The following ZFHX4 variants were observed in gnomAD, a reference collection of about 807,000 sequenced individuals.
The protein encoded by ZFHX4 is zinc finger homeobox protein 4.
In ZFHX4, 56 loss-of-function variants were observed where a neutral mutation model predicts 267.6. The observed-to-expected ratio is 0.21, with a 90% CI of 0.17 to 0.26. ZFHX4 has a LOEUF of 0.26. Ranked by LOEUF, ZFHX4 falls within the 10% of genes least tolerant of loss-of-function variation. ZFHX4 has a pLI of 1.00. For synonymous variants in ZFHX4, 1,778 were observed against 1,665.6 expected (o/e 1.07, Z -1.64); for missense variants, 4,332 against 4,420.0 (o/e 0.98, Z 0.56).
chr8:76,803,266 G>A (rs1006578009), intron 4 of ZFHX4, among the ~76,000 whole-genome samples: 5 of 146,018 alleles, frequency 3.4e-5, no homozygotes, highest in African/African-American at 1.3e-4. Flanking sequence ...GTGTGTGCGT[G>A]TGTGTGTGTG....
chr8:76,833,422 C>G lies in ZFHX4; in HGVS notation c.3394+16C>G. Reference sequence around the variant, plus strand: ...TCGACCTCAGGTAATGGTTCCTACTCCTTCTCAAAATATTTCCTTGTCCTA... The same window carrying G: ...TCGACCTCAGGTAATGGTTCCTACTGCTTCTCAAAATATTTCCTTGTCCTA... On this transcript the variant is annotated intron_variant, in intron 5 of 10. Transcript: ENST00000651372. The G allele has an allele frequency of 6.3e-7, 1 of 1,584,286 alleles. No individual in the cohort carries two copies. Among genetic ancestry groups the G allele is most frequent in the Non-Finnish European group, 8.6e-7 (1 of 1,160,726 alleles).
rs1018766132 is a variant in ZFHX4 at position 76,826,075 on chromosome 8, C to T, written c.3326-7263C>T. Reference sequence around the variant, plus strand: ...GGTTCTGTAGGCTGTATAAGCATTGCACCAGTATCTGCTCTTGGTGATGGC... The same window carrying T: ...GGTTCTGTAGGCTGTATAAGCATTGTACCAGTATCTGCTCTTGGTGATGGC... On this transcript the variant is annotated intron_variant, in intron 4 of 10. Transcript: ENST00000651372. 3.3e-5 allele frequency among the ~76,000 whole-genome samples: 5 copies of T among 152,128 alleles called. 1 individual carries two copies.
rs1340043323 is a variant in ZFHX4, at chr8:76,851,230, T to C, written c.4309T>C (p.Phe1437Leu). The part of the protein sequence containing the change: ...CNLCQRSFRT[F>L]QALKKHLEAG... ...CCTCTGCCAGCGCAGTTTCCGTACA[T>C]TCCAGGCTTTAAAAAAACACTTGGA... The change falls in exon 10 of 11, where the codon TTC becomes CTC. Residue 1437 changes from phenylalanine (F) to leucine (L), a missense_variant. This residue lies in a region of ZFHX4 where 1,371 missense variants were observed against 1,423.1 expected (regional missense o/e 0.96). Transcript: ENST00000651372. 6.2e-6 allele frequency: 10 copies of C among 1,613,702 alleles called. No homozygotes were observed. The highest frequency in any genetic ancestry group is 7.6e-6 in the Non-Finnish European group (9 of 1,179,832).
Position 76,851,363 on chromosome 8 carries a change from A to G in ZFHX4, c.4442A>G (p.His1481Arg), listed in dbSNP as rs750500652. Reference protein sequence around the residue: ...AESETMSQDDHGLEQEMEREY... With the variant: ...AESETMSQDDRGLEQEMEREY... ...AGCGAAACTATGTCCCAGGATGACC[A>G]TGGCCTAGAGCAGGAAATGGAGAGA... The change falls in exon 10 of 11, where the codon CAT becomes CGT. Residue 1481 changes from histidine (H) to arginine (R), a missense_variant. His to Arg is a conservative substitution (Grantham distance 29). Coordinates refer to ENST00000651372, the MANE Select transcript of ZFHX4 (RefSeq NM_024721.5). The G allele has an allele frequency of 1.9e-6, 3 of 1,613,902 alleles. No individual in the cohort carries two copies. Among genetic ancestry groups the G allele is most frequent in the Non-Finnish European group, 1.7e-6 (2 of 1,179,864 alleles).
rs76951371 is a variant in ZFHX4 at position 76,725,985 on chromosome 8, G to A, written c.3093+17937G>A. ...AAGCAACTGATATGAAATACCAGGAGGCTGAAGGAGTGGGGCAGTTTGTTG... is the reference window on the plus strand; with the variant it reads ...AAGCAACTGATATGAAATACCAGGAAGCTGAAGGAGTGGGGCAGTTTGTTG... On this transcript the variant is annotated intron_variant, in intron 3 of 10. Coordinates refer to ENST00000651372, the MANE Select transcript of ZFHX4 (RefSeq NM_024721.5). 8.9e-3 allele frequency among the ~76,000 whole-genome samples: 1,357 copies of A among 152,240 alleles called. 19 individuals carry two copies. Among genetic ancestry groups the A allele is most frequent in the African/African-American group, 0.031 (1,274 of 41,536 alleles).
At chr8:76,808,987 G>C (rs1811311343) in intron 4 of ZFHX4, among the ~76,000 whole-genome samples, 1 of 150,432 alleles carries the variant, frequency 6.6e-6, no homozygotes, top group Non-Finnish European at 1.5e-5. Flanking sequence ...TTAATACCAG[G>C]GTTGTTTTTT....
In ZFHX4 at chr8:76,704,159, C is replaced by G; in HGVS notation, c.71C>G (p.Thr24Arg). 6.2e-6 allele frequency: 10 copies of G among 1,613,870 alleles called. No individual in the cohort carries two copies. Among genetic ancestry groups the G allele is most frequent in the South Asian group, 1.1e-5 (1 of 91,072 alleles). The change falls in exon 2 of 11, where the codon ACG becomes AGG. Residue 24 changes from threonine to arginine, a missense_variant. Physicochemically the swap from Thr to Arg is moderately conservative, Grantham distance 71 (BLOSUM62 -1). Transcript: ENST00000651372. Reference protein sequence around the residue: ...NGQSTSKLCGTTQLDNEVPEK... With the variant: ...NGQSTSKLCGRTQLDNEVPEK... ...CAGAGCACATCAAAGCTATGTGGAA[C>G]GACACAACTTGATAATGAGGTGCCA...
intron 3 of ZFHX4, among the ~76,000 whole-genome samples, chr8:76,735,569 A>G (rs1809136952): frequency 6.6e-6 from 1 of 152,146 alleles, no homozygotes; most frequent in Non-Finnish European, 1.5e-5. Context: ...TGGTTTTAAA[A>G]CTGTAAAGAA....
At chr8:76,735,416 A>C (rs1478050081) in intron 3 of ZFHX4, among the ~76,000 whole-genome samples, 2 of 152,116 alleles carry the variant, frequency 1.3e-5, no homozygotes, top group Admixed American at 6.6e-5. Context: ...ATTTTCACAC[A>C]CAAAAAAGAA....
chr8:76,744,556 G>T (rs557209213), intron 3 of ZFHX4, among the ~76,000 whole-genome samples: 1 of 151,930 alleles, frequency 6.6e-6, no homozygotes, highest in Non-Finnish European at 1.5e-5. Context: ...GAGACTACAG[G>T]CATGTGCCAT....
rs1024178063 is a variant in ZFHX4, at chr8:76,772,905, T to C, written c.3094-5303T>C. Among the ~76,000 whole-genome samples, 3 of 152,108 alleles carry C rather than the reference T, an allele frequency of 2.0e-5. No individual in the cohort carries two copies. In the East Asian group the frequency reaches 5.8e-4, roughly 29 times the overall value. On this transcript the variant is annotated intron_variant, in intron 3 of 10. Coordinates refer to ENST00000651372, the MANE Select transcript of ZFHX4 (RefSeq NM_024721.5). ...ATGACAAAAACCTGCCAAACCAAGT[T>C]CTAGTTTACTTCTTTGGGAAAGTGG... is the stretch of plus-strand genomic sequence containing the variant.
rs1291816671 is a variant in ZFHX4 at position 76,865,339 on chromosome 8, C to G, written c.*774C>G. Reference sequence around the variant, plus strand: ...TTACCTCTGACGTCATTCTTTTTTTCTGAAAGAGGTAATAATTCTAGTTTT... The same window carrying G: ...TTACCTCTGACGTCATTCTTTTTTTGTGAAAGAGGTAATAATTCTAGTTTT... On this transcript the variant is annotated 3_prime_UTR_variant, in exon 11 of 11. Coordinates refer to ENST00000651372, the MANE Select transcript of ZFHX4 (RefSeq NM_024721.5). The G allele has an allele frequency of 6.6e-6, 1 of 152,438 alleles. No homozygotes were observed. The highest frequency in any genetic ancestry group is 2.1e-4 in the South Asian group (1 of 4,826). 9.4% of individuals were successfully genotyped at this position (152,438 alleles called of 1,614,324 possible). A position where few individuals can be genotyped will look rare whatever the true frequency, so the allele number is the denominator to read the frequency against.
chr8:76,833,282 G>C (rs1298769622), intron 4 of ZFHX4, 56 bp from the exon 5 acceptor site: 2 of 1,491,048 alleles, frequency 1.3e-6, no homozygotes, highest in Non-Finnish European at 1.9e-6. Context: ...TATTAGCCAT[G>C]ATGAGAGAGC....
chr8:76,776,288 T>C (rs1193170295), intron 3 of ZFHX4, among the ~76,000 whole-genome samples: 1 of 150,288 alleles, frequency 6.7e-6, no homozygotes, highest in Non-Finnish European at 1.5e-5. Context: ...AAAAAGGGAG[T>C]TTAATTTCTC....
At chr8:76,737,223 A>T (rs2131674382) in intron 3 of ZFHX4, among the ~76,000 whole-genome samples, 1 of 152,276 alleles carries the variant, frequency 6.6e-6, no homozygotes, top group Non-Finnish European at 1.5e-5. Context: ...CCTCTCTCAC[A>T]TACTTACCCA....
Position 76,715,596 on chromosome 8 carries a change from G to C in ZFHX4, c.3093+7548G>C, listed in dbSNP as rs185446841. Among the ~76,000 whole-genome samples, 15 of 149,418 alleles carry C rather than the reference G, an allele frequency of 1.0e-4. No individual in the cohort carries two copies. The East Asian group carries it at 3.0e-3, about 30-fold the overall frequency. ...GTGGTATAACTCTTGGGAAACCTCT[G>C]TAAATTCAATTTACAATAAGGTCAA... On this transcript the variant is annotated intron_variant, in intron 3 of 10. Transcript: ENST00000651372.
chr8:76,865,087 G>C lies in ZFHX4; in HGVS notation c.*522G>C, dbSNP rs1812993166. ...CTTTATTAGAAAGCATTTTCTAGGT[G>C]TGTTTAGTGTACAAAGAGACTTTAT... On this transcript the variant is annotated 3_prime_UTR_variant, in exon 11 of 11. Coordinates refer to ENST00000651372, the MANE Select transcript of ZFHX4 (RefSeq NM_024721.5). The C allele has an allele frequency of 6.5e-6, 1 of 153,386 alleles. No homozygotes were observed. Among genetic ancestry groups the C allele is most frequent in the Admixed American group, 6.5e-5 (1 of 15,368 alleles). 9.5% of individuals were successfully genotyped at this position (153,386 alleles called of 1,614,324 possible).
At chr8:76,703,732 T>C in intron 1 of ZFHX4, 1 of 225,372 alleles carries the variant, frequency 4.4e-6, no homozygotes, top group East Asian at 1.0e-4. Flanking sequence ...GTCACGTATA[T>C]TGTGTATTTT....
Position 76,810,810 on chromosome 8 carries a change from A to AT in ZFHX4, c.3326-22520dup, listed in dbSNP as rs201058082. 1.1e-4 allele frequency among the ~76,000 whole-genome samples: 16 copies of AT among 152,106 alleles called. No individual in the cohort carries two copies. In the East Asian group the frequency reaches 1.2e-3, roughly 11 times the overall value. On this transcript the variant is annotated intron_variant, in intron 4 of 10. Coordinates refer to ENST00000651372, the MANE Select transcript of ZFHX4 (RefSeq NM_024721.5). ...GTTCTGTTGTAGTTTTAAAACTAAT[A>AT]TTTTTTTTCATATAAATTGGAACGA...
Sources: allele counts gnomAD v4.1 joint callset (sites outside exome capture counted in the v4.1 genomes callset), GRCh38; gene constraint gnomAD v4.1.1; regional missense constraint gnomAD v4.1.1; transcripts MANE v1.5; gene names NCBI Gene and HGNC (gene_info 2026-07-23, HGNC 2026-07-21).